The following TBC1D22A variants were observed in gnomAD, a reference collection of about 807,000 sequenced individuals.
TBC1D22A encodes TBC1 domain family member 22A.
In TBC1D22A, 38 loss-of-function variants were observed where a neutral mutation model predicts 60.2. The observed-to-expected ratio is 0.63, with a 90% CI of 0.49 to 0.83. The LOEUF (loss-of-function observed/expected upper bound fraction) is 0.83. Ranked by LOEUF, TBC1D22A falls within the 40% of genes least tolerant of loss-of-function variation. The pLI, the probability that TBC1D22A is intolerant of heterozygous loss-of-function variation, is 0.00. For missense variants in TBC1D22A, 628 were observed against 701.0 expected, an observed-to-expected ratio of 0.90 and a Z score of 1.18; for synonymous variants, 302 against 281.7, an observed-to-expected ratio of 1.07 and a Z score of -0.72.
At chr22:47,036,146 G>A (rs913175331) in intron 10 of TBC1D22A, among the ~76,000 whole-genome samples, 5 of 152,172 alleles carry the variant, frequency 3.3e-5, no homozygotes, top group Admixed American at 1.3e-4. Flanking sequence ...GCAGAAAGAA[G>A]GCTCTCAGCA....
intron 11 of TBC1D22A, among the ~76,000 whole-genome samples, chr22:47,086,203 G>A (rs1371785267): frequency 1.3e-5 from 2 of 152,210 alleles, no homozygotes; most frequent in Admixed American, 1.3e-4. Flanking sequence ...GGTGGCTCAT[G>A]CCTGTAATCC....
chr22:47,120,639 G>A (rs993877758), intron 12 of TBC1D22A, among the ~76,000 whole-genome samples: 6 of 152,210 alleles, frequency 3.9e-5, no homozygotes, highest in South Asian at 2.1e-4. Context: ...CTTTGCCTAC[G>A]TCAGGACCCC....
intron 4 of TBC1D22A, among the ~76,000 whole-genome samples, chr22:46,813,251 A>T (rs1462003041): frequency 6.6e-6 from 1 of 152,218 alleles, no homozygotes. Flanking sequence ...AGTCATTGAA[A>T]CTTTTCTAGG....
In TBC1D22A at chr22:46,794,326, C is replaced by T. The variant is rs528256661; in HGVS notation, c.460+485C>T. On this transcript the variant is annotated intron_variant, in intron 3 of 12. Transcript: ENST00000337137. The stretch of plus-strand genomic sequence containing the variant: ...CCTGCCAGGTGTGCGTACACGTGGG[C>T]TCAGGTCTGTAGGGGCTGGGAGTCT... Among the ~76,000 whole-genome samples, 6 of 152,300 alleles carry T rather than the reference C, an allele frequency of 3.9e-5. No individual in the cohort carries two copies. The South Asian group carries it at 1.0e-3, about 26-fold the overall frequency.
intron 4 of TBC1D22A, among the ~76,000 whole-genome samples, chr22:46,855,721 G>T (rs1409821695): frequency 6.6e-6 from 1 of 152,174 alleles, no homozygotes; most frequent in Non-Finnish European, 1.5e-5. Flanking sequence ...CGTGCCGTGT[G>T]GGTTGTGAGC....
chr22:47,041,912 T>C (rs5769300), intron 11 of TBC1D22A, among the ~76,000 whole-genome samples: 97,084 of 152,148 alleles, frequency 0.64, 31,891 homozygotes, highest in East Asian at 0.92. Context: ...ACCAGCGAGC[T>C]GTGGTTTGCT....
chr22:46,780,375 T>C (rs1053694492), intron 1 of TBC1D22A, among the ~76,000 whole-genome samples: 3 of 152,214 alleles, frequency 2.0e-5, no homozygotes, highest in African/African-American at 2.4e-5. Flanking sequence ...CATACTTTTA[T>C]TTTCTTTCAC....
At chr22:47,112,201 CTG>C (rs953222322) in intron 12 of TBC1D22A, among the ~76,000 whole-genome samples, 1 of 152,262 alleles carries the variant, frequency 6.6e-6, no homozygotes, top group African/African-American at 2.4e-5. Flanking sequence ...ACGTGTTCCT[CTG>C]TGAGGCGTCC....
At chr22:47,013,844 A>G (rs2061825370) in intron 10 of TBC1D22A, among the ~76,000 whole-genome samples, 1 of 152,216 alleles carries the variant, frequency 6.6e-6, no homozygotes, top group Non-Finnish European at 1.5e-5. Context: ...GGTAAGGGAC[A>G]TTCCCACTCT....
chr22:47,015,652 C>T (rs2061886760), intron 10 of TBC1D22A, among the ~76,000 whole-genome samples: 1 of 152,176 alleles, frequency 6.6e-6, no homozygotes, highest in African/African-American at 2.4e-5. Context: ...GCGGGCTGCT[C>T]CCGGACAGCA....
At position 46,858,184 on chromosome 22, in the gene TBC1D22A, A is replaced by AG. The variant is rs2087667427; in HGVS notation, c.638-20465dup. Among the ~76,000 whole-genome samples the AG allele has an allele frequency of 3.3e-5, 5 of 152,330 alleles. No homozygotes were observed. The South Asian group carries it at 1.0e-3, about 32-fold the overall frequency. On this transcript the variant is annotated intron_variant, in intron 4 of 12. Coordinates refer to ENST00000337137, the MANE Select transcript of TBC1D22A (RefSeq NM_014346.5). ...AAACGTTGTTGCCATCCTCATGTGA[A>AG]GGGGTATCTCATTGTGGTTTTGAGC...
At chr22:47,052,320 G>A (rs2063252360) in intron 11 of TBC1D22A, among the ~76,000 whole-genome samples, 2 of 152,248 alleles carry the variant, frequency 1.3e-5, no homozygotes, top group South Asian at 4.1e-4. Flanking sequence ...CATGCGGCCT[G>A]TGTGGCCTCC....
chr22:47,090,107 G>T (rs903638580), intron 11 of TBC1D22A, among the ~76,000 whole-genome samples: 11 of 152,138 alleles, frequency 7.2e-5, no homozygotes, highest in African/African-American at 2.7e-4. Flanking sequence ...TGGGGGGGCG[G>T]TCCTCATCTC....
In TBC1D22A at chr22:46,874,125, T is replaced by A. The variant is rs189260803; in HGVS notation, c.638-4528T>A. ...GCGCCTGGCCAATCTTGTTTCTTTT[T>A]ATGGCTGCATAGTATTCCATGGTGT... On this transcript the variant is annotated intron_variant, in intron 4 of 12. Transcript: ENST00000337137. Among the ~76,000 whole-genome samples, 4 of 152,268 alleles carry A rather than the reference T, an allele frequency of 2.6e-5. No individual in the cohort carries two copies. The East Asian group carries it at 7.7e-4, about 29-fold the overall frequency.
At chr22:46,768,356 G>GCA (rs1569352017) in intron 1 of TBC1D22A, among the ~76,000 whole-genome samples, 22 of 151,984 alleles carry the variant, frequency 1.4e-4, no homozygotes, top group African/African-American at 5.3e-4. Flanking sequence ...GTGGTGGCAG[G>GCA]CGCCTGTAAT....
chr22:46,766,566 C>T (rs140496688), intron 1 of TBC1D22A, among the ~76,000 whole-genome samples: 2,906 of 152,210 alleles, frequency 0.019, 93 homozygotes, highest in African/African-American at 0.066. Flanking sequence ...GATGGAGTCT[C>T]GCTCTGTCGC....
chr22:46,766,243 T>C (rs912957863), intron 1 of TBC1D22A, among the ~76,000 whole-genome samples: 1 of 152,122 alleles, frequency 6.6e-6, no homozygotes, highest in East Asian at 1.9e-4. Context: ...GTGATCCTCC[T>C]GCCTCGGTCT....
intron 4 of TBC1D22A, among the ~76,000 whole-genome samples, chr22:46,872,532 A>G (rs1268480764): frequency 3.3e-5 from 5 of 152,256 alleles, no homozygotes; most frequent in Admixed American, 1.3e-4. Flanking sequence ...AACTGTTTTC[A>G]GATGTTGGAC....
intron 4 of TBC1D22A, among the ~76,000 whole-genome samples, chr22:46,875,457 T>C (rs1298912340): frequency 6.6e-6 from 1 of 151,986 alleles, no homozygotes; most frequent in South Asian, 2.1e-4. Context: ...AATACTTTTT[T>C]TTTTTCTTTT....
Sources: gnomAD v4.1 joint callset for allele counts (sites outside exome capture counted in the v4.1 genomes callset) on GRCh38, gnomAD v4.1.1 for gene constraint, MANE v1.5 for transcripts, NCBI Gene and HGNC (gene_info 2026-07-23, HGNC 2026-07-21) for gene names.